DYNC1H1: variants seen among roughly 807,000 people sequenced by gnomAD.
DYNC1H1 encodes dynein cytoplasmic 1 heavy chain 1, also known as cytoplasmic dynein 1 heavy chain 1.
A neutral mutation model predicts 527.1 loss-of-function variants in DYNC1H1; 51 were observed. That is an observed-to-expected ratio of 0.10 (90% CI 0.08 to 0.12). The LOEUF (loss-of-function observed/expected upper bound fraction) is 0.12. Ranked by LOEUF, DYNC1H1 falls within the 10% of genes least tolerant of loss-of-function variation. DYNC1H1 has a pLI of 1.00. For missense variants in DYNC1H1, 2,771 were observed against 5,971.8 expected, an observed-to-expected ratio of 0.46 and a Z score of 17.66; for synonymous variants, 2,189 against 2,278.8, an observed-to-expected ratio of 0.96 and a Z score of 1.12.
Position 102,017,363 on chromosome 14 carries a change from G to T in DYNC1H1, c.8056-20G>T. ...TTGTTCAAGTTTTGCTCTTAATGTG[G>T]TACCTGTCCCTTCCTTCAGATGGTG... On this transcript the variant is annotated intron_variant, in intron 39 of 77. Transcript: ENST00000360184. The surrounding 1 kb of genome is among the most constrained non-coding windows in gnomAD (Gnocchi z 4.6). 1.9e-6 allele frequency: 3 copies of T among 1,614,184 alleles called. No individual in the cohort carries two copies. Among genetic ancestry groups the T allele is most frequent in the Non-Finnish European group, 2.5e-6 (3 of 1,180,044 alleles).
rs1237597409 is a variant in DYNC1H1 at position 101,983,112 on chromosome 14, A to G, written c.1055A>G (p.Lys352Arg). 4 of 1,614,216 alleles carry G rather than the reference A, an allele frequency of 2.5e-6. No homozygotes were observed. Among genetic ancestry groups the G allele is most frequent in the Non-Finnish European group, 3.4e-6 (4 of 1,180,046 alleles). ...NDLLSATELD[K>R]IRQALVAIFT... is the part of the protein sequence containing the mutation. Reference sequence around the variant, plus strand: ...TTGCTGTCTGCCACGGAGCTGGACAAAATAAGACAGGCGCTTGTTGCCATT... The same window carrying G: ...TTGCTGTCTGCCACGGAGCTGGACAGAATAAGACAGGCGCTTGTTGCCATT... Residue 352 changes from lysine (K) to arginine (R), a missense_variant, in exon 6 of 78, where the codon AAA becomes AGA. Physicochemically the swap from Lys to Arg is conservative, Grantham distance 26. Coordinates refer to ENST00000360184, the MANE Select transcript of DYNC1H1 (RefSeq NM_001376.5). This position sits in a 1 kb window ranked among gnomAD's most constrained non-coding sequence, Gnocchi z 5.3.
At chr14:101,982,282 G>A (rs1187272747) in intron 5 of DYNC1H1, among the ~76,000 whole-genome samples, 3 of 152,076 alleles carry the variant, frequency 2.0e-5, no homozygotes, top group Admixed American at 6.5e-5. Flanking sequence ...TCTACATTAT[G>A]GTGAGTATGT....
At position 102,016,526 on chromosome 14, in the gene DYNC1H1, G is replaced by T; in HGVS notation, c.7614+37G>T. On this transcript the variant is annotated intron_variant, in intron 37 of 77. Coordinates refer to ENST00000360184, the MANE Select transcript of DYNC1H1 (RefSeq NM_001376.5). This position sits in a 1 kb window ranked among gnomAD's most constrained non-coding sequence, Gnocchi z 7.3. ...GCTACCACCCGTGTTTCTGATTCTC[G>T]CCTTGTTGATTTAACTCATCCTGGA... is the stretch of plus-strand genomic sequence containing the variant. 6.2e-7 allele frequency: 1 copy of T among 1,613,990 alleles called. No homozygotes were observed. Among genetic ancestry groups the T allele is most frequent in the East Asian group, 2.2e-5 (1 of 44,880 alleles).
chr14:101,994,992 T>C lies in DYNC1H1; in HGVS notation c.3340T>C (p.Ser1114Pro). 6.2e-7 allele frequency: 1 copy of C among 1,614,192 alleles called. No individual in the cohort carries two copies. Among genetic ancestry groups the C allele is most frequent in the South Asian group, 1.1e-5 (1 of 91,084 alleles). ...TGTGCTATTTCACCCTCAGGTACAA[T>C]CTAAGGTGAACTTGAAATATGACTC... Reference protein sequence around the residue: ...PVVIDYGKVQSKVNLKYDSWH... With the variant: ...PVVIDYGKVQPKVNLKYDSWH... The change falls in exon 14 of 78, where the codon TCT becomes CCT. Residue 1114 changes from serine to proline, a missense_variant. By Grantham distance (74) the Ser-to-Pro change is moderately conservative (BLOSUM62 -1). Transcript: ENST00000360184.
chr14:102,034,160 C>T lies in DYNC1H1; in HGVS notation c.10598C>T (p.Ser3533Phe). 6.2e-7 allele frequency: 1 copy of T among 1,614,140 alleles called. No homozygotes were observed. Among genetic ancestry groups the T allele is most frequent in the Non-Finnish European group, 8.5e-7 (1 of 1,180,052 alleles). ...QMRQNLFTTW[S>F]HHLQQANIQF... The stretch of plus-strand genomic sequence containing the variant: ...CGTCAGAACTTGTTCACTACCTGGT[C>T]CCATCACCTACAGCAAGCCAACATC... Residue 3533 changes from serine to phenylalanine, a missense_variant, in exon 55 of 78, where the codon TCC becomes TTC. By Grantham distance (155) the Ser-to-Phe change is radical. Transcript: ENST00000360184.
At chr14:101,980,761 G>A (rs556280427) in intron 5 of DYNC1H1, among the ~76,000 whole-genome samples, 7 of 152,172 alleles carry the variant, frequency 4.6e-5, no homozygotes, top group Admixed American at 4.6e-4. Context: ...CCCTTCAGGG[G>A]ATTTAAGAAC....
rs773102943 is a variant in DYNC1H1 at position 101,984,932 on chromosome 14, C to CAA, written c.1462-731_1462-730dup. 8.0e-3 allele frequency among the ~76,000 whole-genome samples: 314 copies of CAA among 39,066 alleles called. 1 individual carries two copies. The highest frequency in any genetic ancestry group is 0.023 in the Middle Eastern group (1 of 44). The allele number at this position is 39,066 out of a possible 152,430, so 25.6% of individuals were successfully genotyped here. On this transcript the variant is annotated intron_variant, in intron 7 of 77. Coordinates refer to ENST00000360184, the MANE Select transcript of DYNC1H1 (RefSeq NM_001376.5). The stretch of plus-strand genomic sequence containing the variant: ...TGGGCAACAGAGGGAGGCTCCGTCT[C>CAA]AAAAAAAAAAAAAAAAAAAAAAAAA...
rs1424242896 is a variant in DYNC1H1 at position 102,049,154 on chromosome 14, C to G, written c.13373-286C>G. 5 of 499,548 alleles carry G rather than the reference C, an allele frequency of 1.0e-5. No homozygotes were observed. The highest frequency in any genetic ancestry group is 1.8e-5 in the Non-Finnish European group (5 of 273,644). 30.9% of individuals were successfully genotyped at this position (499,548 alleles called of 1,614,324 possible). A position where few individuals can be genotyped will look rare whatever the true frequency, so the allele number is the denominator to read the frequency against. On this transcript the variant is annotated intron_variant, in intron 74 of 77. Coordinates refer to ENST00000360184, the MANE Select transcript of DYNC1H1 (RefSeq NM_001376.5). This position sits in a 1 kb window ranked among gnomAD's most constrained non-coding sequence, Gnocchi z 5.5. ...CACTTGTGTGACATGAGGTTTTAGC[C>G]GCGGTTTTGCTTGGATGTGATTATG...
intron 41 of DYNC1H1, among the ~76,000 whole-genome samples, chr14:102,019,663 G>A (rs749567176): frequency 1.3e-5 from 2 of 152,140 alleles, no homozygotes; most frequent in Admixed American, 6.5e-5. Flanking sequence ...ATGCAGTGGC[G>A]CAGTCTCGGC....
rs543912192 is a variant in DYNC1H1, at chr14:102,001,704, C to A, written c.4542+23C>A. ...AAGGTGCTGTTGCTGGGGAAGCTTT[C>A]CCTCCCCACCAGTGGTCTCCCACGC... On this transcript the variant is annotated intron_variant, in intron 21 of 77. Transcript: ENST00000360184. This position sits in a 1 kb window ranked among gnomAD's most constrained non-coding sequence, Gnocchi z 5.0. 1.4e-5 allele frequency: 22 copies of A among 1,613,574 alleles called. No homozygotes were observed.
rs1266908208 is a variant in DYNC1H1 at position 102,026,350 on chromosome 14, G to A, written c.8638-224G>A. On this transcript the variant is annotated intron_variant, in intron 43 of 77. Coordinates refer to ENST00000360184, the MANE Select transcript of DYNC1H1 (RefSeq NM_001376.5). ...ATGGTATGTCTCTTCATGTATTGAG[G>A]TCCTCTTCATTGCCTTTTGGTGAAG... Among the ~76,000 whole-genome samples the A allele has an allele frequency of 2.0e-5, 3 of 152,072 alleles. No homozygotes were observed. In the East Asian group the frequency reaches 5.8e-4, roughly 29 times the overall value.
In DYNC1H1 at chr14:102,041,994, C is replaced by A; in HGVS notation, c.12103-19C>A. The A allele has an allele frequency of 6.2e-7, 1 of 1,612,926 alleles. No individual in the cohort carries two copies. The highest frequency in any genetic ancestry group is 8.5e-7 in the Non-Finnish European group (1 of 1,178,926). Reference sequence around the variant, plus strand: ...CTATTTGCTGGCACTGTAATAACTTCTGCCTTCTTTGTTTGCAGGTGAAGC... The same window carrying A: ...CTATTTGCTGGCACTGTAATAACTTATGCCTTCTTTGTTTGCAGGTGAAGC... On this transcript the variant is annotated intron_variant, in intron 65 of 77. Transcript: ENST00000360184. This position sits in a 1 kb window ranked among gnomAD's most constrained non-coding sequence, Gnocchi z 4.5.
intron 64 of DYNC1H1, 81 bp downstream of exon 64, chr14:102,040,754 CAA>C (rs1156761707): frequency 1.1e-5 from 17 of 1,517,168 alleles, no homozygotes; most frequent in African/African-American, 8.2e-5. Context: ...TCAAAAAACA[CAA>C]AGTTACTAGC....
At chr14:101,992,913 C>T (rs997521105) in intron 11 of DYNC1H1, among the ~76,000 whole-genome samples, 27 of 152,262 alleles carry the variant, frequency 1.8e-4, no homozygotes, top group African/African-American at 6.0e-4. Flanking sequence ...ATGTTCTGTT[C>T]CCTCTCCACT....
chr14:101,980,435 A>G lies in DYNC1H1; in HGVS notation c.846A>G (p.Glu282=). 1.9e-6 allele frequency: 3 copies of G among 1,614,232 alleles called. No individual in the cohort carries two copies. Among genetic ancestry groups the G allele is most frequent in the Non-Finnish European group, 1.7e-6 (2 of 1,180,052 alleles). Residue 282 remains glutamate (E), a synonymous_variant, in exon 5 of 78, where the codon GAA becomes GAG. Coordinates refer to ENST00000360184, the MANE Select transcript of DYNC1H1 (RefSeq NM_001376.5). ...AAATTAGTTTTTGGCTAAACTTGGA[A>G]CGTGCGTTATACCGCATCCAGGAGA... ...LQEISFWLNL[E]RALYRIQEKR... is the part of the protein sequence containing the mutation.
At position 102,032,609 on chromosome 14, in the gene DYNC1H1, T is replaced by C; in HGVS notation, c.10079+142T>C. On this transcript the variant is annotated intron_variant, in intron 52 of 77. Transcript: ENST00000360184. ...GCTCACGGCTCCAATCCCAGAACTT[T>C]GGGAGGCTGAGGCAGGTGAAGTGCT... is the stretch of plus-strand genomic sequence containing the variant. 1.1e-5 allele frequency: 12 copies of C among 1,134,278 alleles called. No homozygotes were observed. In the South Asian group the frequency reaches 1.2e-4, roughly 11 times the overall value. The allele number at this position is 1,134,278 out of a possible 1,614,324, so 70.3% of individuals were successfully genotyped here. A position where few individuals can be genotyped will look rare whatever the true frequency, so the allele number is the denominator to read the frequency against.
chr14:102,015,858 C>T lies in DYNC1H1; in HGVS notation c.7245C>T (p.Ile2415=), dbSNP rs1314604901. ...GTATCACTCCTTCCACTTTCTAGAT[C>T]CAAAGAGATGCAGCTACGATCATGC... ...GEEAASPMLQ[I]QRDAATIMQP... The change falls in exon 36 of 78, where the codon ATC becomes ATT. Residue 2415 remains isoleucine (I), a splice_region_variant and synonymous_variant. Coordinates refer to ENST00000360184, the MANE Select transcript of DYNC1H1 (RefSeq NM_001376.5). This position sits in a 1 kb window ranked among gnomAD's most constrained non-coding sequence, Gnocchi z 6.9. 12 of 1,614,044 alleles carry T rather than the reference C, an allele frequency of 7.4e-6. No individual in the cohort carries two copies. The highest frequency in any genetic ancestry group is 1.0e-5 in the Non-Finnish European group (12 of 1,180,030).
At chr14:102,006,525 G>A (rs756542699) in intron 27 of DYNC1H1, among the ~76,000 whole-genome samples, 6 of 149,974 alleles carry the variant, frequency 4.0e-5, no homozygotes, top group Admixed American at 6.6e-5. Context: ...GAGTCACCAC[G>A]CCCGGCCTGA....
chr14:102,018,631 T>A lies in DYNC1H1; in HGVS notation c.8343+15T>A, dbSNP rs889657305. ...CCATGTCTCAGGTACGCAGAGTTTC[T>A]TTGCTCTTCCAGAAATTGTTTTCCT... On this transcript the variant is annotated intron_variant, in intron 41 of 77. Transcript: ENST00000360184. The surrounding 1 kb of genome is among the most constrained non-coding windows in gnomAD (Gnocchi z 5.2). 6.2e-7 allele frequency: 1 copy of A among 1,613,010 alleles called. No individual in the cohort carries two copies. The highest frequency in any genetic ancestry group is 1.3e-5 in the African/African-American group (1 of 75,058).
Sources: gnomAD v4.1 joint callset for allele counts (sites outside exome capture counted in the v4.1 genomes callset) on GRCh38, gnomAD v4.1.1 for gene constraint, Gnocchi (gnomAD v3.1) non-coding constraint, MANE v1.5 for transcripts, NCBI Gene and HGNC (gene_info 2026-07-23, HGNC 2026-07-21) for gene names.